Variants in YWHAG observed in about 807,000 individuals in gnomAD.
The protein encoded by YWHAG is tyrosine 3-monooxygenase/tryptophan 5-monooxygenase activation protein gamma.
In YWHAG, 1 loss-of-function variant was observed where a neutral mutation model predicts 23.3. The ratio of observed to expected loss-of-function variants is 0.04; its 90% CI spans 0.02 to 0.20. The LOEUF (loss-of-function observed/expected upper bound fraction) is 0.20. Among genes scored for constraint, YWHAG ranks in the 10% least tolerant of loss-of-function variants. YWHAG has a pLI of 1.00. For synonymous variants in YWHAG, 160 were observed against 144.0 expected, an observed-to-expected ratio of 1.11 and a Z score of -0.80; for missense variants, 151 against 338.6, an observed-to-expected ratio of 0.45 and a Z score of 4.35.
rs182672177 is a variant in YWHAG, at chr7:76,339,338, C to T, written c.88-9105G>A. ...TACAAAAATTAGCTGGGCATGGTGA[C>T]GCACACCTGTAATCCCAGCTACTCG... On this transcript the variant is annotated intron_variant, in intron 1 of 1. Transcript: ENST00000307630. Among the ~76,000 whole-genome samples the T allele has an allele frequency of 1.9e-3, 286 of 152,128 alleles. 2 individuals are homozygous for T. The highest frequency in any genetic ancestry group is 6.6e-3 in the African/African-American group (276 of 41,506).
Position 76,329,344 on chromosome 7 carries a change from T to G in YWHAG, c.*233A>C. On this transcript the variant is annotated 3_prime_UTR_variant, in exon 2 of 2. Coordinates refer to ENST00000307630, the MANE Select transcript of YWHAG (RefSeq NM_012479.4). This position sits in a 1 kb window ranked among gnomAD's most constrained non-coding sequence, Gnocchi z 6.1. Reference sequence around the variant, plus strand: ...CCACTTGCATGAATCTACAGAACAGTCCAGACGCCAGTGTGAGGCTGCTAT... The same window carrying G: ...CCACTTGCATGAATCTACAGAACAGGCCAGACGCCAGTGTGAGGCTGCTAT... 1.8e-6 allele frequency: 1 copy of G among 569,440 alleles called. No homozygotes were observed. Among genetic ancestry groups the G allele is most frequent in the Non-Finnish European group, 3.1e-6 (1 of 322,890 alleles). 35.3% of individuals were successfully genotyped at this position (569,440 alleles called of 1,614,324 possible). A position where few individuals can be genotyped will look rare whatever the true frequency, so the allele number is the denominator to read the frequency against.
rs1280188737 is a variant in YWHAG, at chr7:76,329,401, A to G, written c.*176T>C. 1 of 757,262 alleles carries G rather than the reference A, an allele frequency of 1.3e-6. No homozygotes were observed. Among genetic ancestry groups the G allele is most frequent in the Non-Finnish European group, 2.1e-6 (1 of 483,434 alleles). The allele number at this position is 757,262 out of a possible 1,614,324, so 46.9% of individuals were successfully genotyped here. On this transcript the variant is annotated 3_prime_UTR_variant, in exon 2 of 2. Coordinates refer to ENST00000307630, the MANE Select transcript of YWHAG (RefSeq NM_012479.4). The surrounding 1 kb of genome is among the most constrained non-coding windows in gnomAD (Gnocchi z 6.1). ...ACCAGCACAGCTAGCCTGACTTTCC[A>G]CTAGTGGTATTTTGGCAAAAATGTC...
chr7:76,336,935 T>A, intron 1 of YWHAG, among the ~76,000 whole-genome samples: 1 of 152,160 alleles, frequency 6.6e-6, no homozygotes, highest in East Asian at 1.9e-4. Flanking sequence ...AAGTGCAGGA[T>A]GTGCGCTGCT....
intron 1 of YWHAG, among the ~76,000 whole-genome samples, chr7:76,342,149 C>T (rs901224349): frequency 1.1e-4 from 17 of 152,216 alleles, no homozygotes; most frequent in South Asian, 4.1e-4. Context: ...TTCTCAATAT[C>T]CTCTCCAAAA....
At chr7:76,331,774 G>A (rs1230556753) in intron 1 of YWHAG, among the ~76,000 whole-genome samples, 3 of 151,912 alleles carry the variant, frequency 2.0e-5, no homozygotes, top group African/African-American at 7.3e-5. Context: ...GACACCAGGT[G>A]GGGAGGACTG....
Position 76,358,986 on chromosome 7 carries a change from G to A in YWHAG, c.-178C>T, listed in dbSNP as rs1038951856. On this transcript the variant is annotated 5_prime_UTR_variant, in exon 1 of 2. Coordinates refer to ENST00000307630, the MANE Select transcript of YWHAG (RefSeq NM_012479.4). Reference sequence around the variant, plus strand: ...GCGACCGCGGGACCGGGCGCGAGGCGGCTGCGGCTGCTGTGCGTGCCACTG... The same window carrying A: ...GCGACCGCGGGACCGGGCGCGAGGCAGCTGCGGCTGCTGTGCGTGCCACTG... 2.6e-4 allele frequency: 131 copies of A among 495,572 alleles called. 1 individual carries two copies. In the East Asian group the frequency reaches 4.4e-3, roughly 17 times the overall value. 30.7% of individuals were successfully genotyped at this position (495,572 alleles called of 1,614,324 possible). A position where few individuals can be genotyped will look rare whatever the true frequency, so the allele number is the denominator to read the frequency against.
Position 76,327,635 on chromosome 7 carries a change from T to G in YWHAG, c.*1942A>C, listed in dbSNP as rs757636482. 1.4e-5 allele frequency: 2 copies of G among 137,970 alleles called. No individual in the cohort carries two copies. Among genetic ancestry groups the G allele is most frequent in the South Asian group, 2.2e-4 (1 of 4,544 alleles). The allele number at this position is 137,970 out of a possible 1,614,324, so 8.5% of individuals were successfully genotyped here. On this transcript the variant is annotated 3_prime_UTR_variant, in exon 2 of 2. Coordinates refer to ENST00000307630, the MANE Select transcript of YWHAG (RefSeq NM_012479.4). ...AAAACGCAACACTGCTCACTGGACA[T>G]GAAGATAAATTAGGGAAAGCCCCAC...
At chr7:76,344,909 C>T (rs1383574222) in intron 1 of YWHAG, among the ~76,000 whole-genome samples, 2 of 152,168 alleles carry the variant, frequency 1.3e-5, no homozygotes, top group Admixed American at 1.3e-4. Context: ...GGCTTTAGTC[C>T]TTCCCTGCAA....
At chr7:76,340,539 C>A (rs1177774524) in intron 1 of YWHAG, among the ~76,000 whole-genome samples, 1 of 152,192 alleles carries the variant, frequency 6.6e-6, no homozygotes, top group East Asian at 1.9e-4. Flanking sequence ...CAACAAAATT[C>A]TAACTCCTCG....
At chr7:76,351,562 A>G (rs572717630) in intron 1 of YWHAG, among the ~76,000 whole-genome samples, 10 of 152,268 alleles carry the variant, frequency 6.6e-5, no homozygotes, top group Admixed American at 5.2e-4. Context: ...GTCACTCCCC[A>G]CTGCTCGAAT....
intron 1 of YWHAG, among the ~76,000 whole-genome samples, chr7:76,331,057 G>GT (rs1243215591): frequency 6.6e-6 from 1 of 152,032 alleles, no homozygotes; most frequent in Non-Finnish European, 1.5e-5. Flanking sequence ...TTATTTACCT[G>GT]GTTTCTATAG....
rs764332278 is a variant in YWHAG, at chr7:76,358,835, AAGG to A, written c.-30_-28del. The A allele has an allele frequency of 3.8e-6, 6 of 1,579,862 alleles. No homozygotes were observed. Among genetic ancestry groups the A allele is most frequent in the African/African-American group, 1.4e-5 (1 of 71,952 alleles). ...TTCGCGGGGCTGGGTCTGGCCGGAG[AAGG>A]AGGAGGACACTGGGGCGGCCTGAAG... On this transcript the variant is annotated 5_prime_UTR_variant, in exon 1 of 2. Transcript: ENST00000307630.
intron 1 of YWHAG, among the ~76,000 whole-genome samples, chr7:76,356,031 G>A (rs954000432): frequency 1.3e-5 from 2 of 152,140 alleles, no homozygotes; most frequent in Admixed American, 6.6e-5. Context: ...TACCCACAAA[G>A]AACTATCATT....
chr7:76,331,520 C>T (rs1341299840), intron 1 of YWHAG, among the ~76,000 whole-genome samples: 2 of 151,826 alleles, frequency 1.3e-5, no homozygotes, highest in Non-Finnish European at 2.9e-5. Flanking sequence ...TTCGTAAACT[C>T]TATTAAAACA....
intron 1 of YWHAG, among the ~76,000 whole-genome samples, chr7:76,336,600 A>AC (rs2115606683): frequency 1.3e-5 from 2 of 151,600 alleles, no homozygotes; most frequent in South Asian, 2.1e-4. Context: ...GATTACAGGC[A>AC]CCCACCACCA....
chr7:76,331,524 TA>T (rs1390083924), intron 1 of YWHAG, among the ~76,000 whole-genome samples: 1 of 151,882 alleles, frequency 6.6e-6, no homozygotes, highest in Non-Finnish European at 1.5e-5. Context: ...TAAACTCTAT[TA>T]AAACACTGAG....
rs71085403 is a variant in YWHAG at position 76,327,668 on chromosome 7, G to GCCCCCCCCCCCCCCCCC, written c.*1908_*1909insGGGGGGGGGGGGGGGGG. 60 of 47,112 alleles carry GCCCCCCCCCCCCCCCCC rather than the reference G, an allele frequency of 1.3e-3. No individual in the cohort carries two copies. Among genetic ancestry groups the GCCCCCCCCCCCCCCCCC allele is most frequent in the Admixed American group, 2.1e-3 (9 of 4,198 alleles). 2.9% of individuals were successfully genotyped at this position (47,112 alleles called of 1,614,324 possible). A position where few individuals can be genotyped will look rare whatever the true frequency, so the allele number is the denominator to read the frequency against. ...AATTAGGGAAAGCCCCACCTACCCT[G>GCCCCCCCCCCCCCCCCC]CCCCCCCCCCCCTCCCCCCCCAAAT... On this transcript the variant is annotated 3_prime_UTR_variant, in exon 2 of 2. Coordinates refer to ENST00000307630, the MANE Select transcript of YWHAG (RefSeq NM_012479.4).
In YWHAG at chr7:76,329,619, C is replaced by A; in HGVS notation, c.702G>T (p.Thr234=). ...QLLRDNLTLW[T]SDQQDDDGGE... ...CGCCATCGTCGTCCTGCTGGTCGCT[C>A]GTCCAGAGCGTGAGGTTGTCGCGGA... Residue 234 remains threonine, a synonymous_variant, in exon 2 of 2, where the codon ACG becomes ACT. Transcript: ENST00000307630. The surrounding 1 kb of genome is among the most constrained non-coding windows in gnomAD (Gnocchi z 6.1). 1 of 1,613,184 alleles carries A rather than the reference C, an allele frequency of 6.2e-7. No homozygotes were observed. The highest frequency in any genetic ancestry group is 8.5e-7 in the Non-Finnish European group (1 of 1,179,184).
Position 76,329,458 on chromosome 7 carries a change from G to T in YWHAG, c.*119C>A. The T allele has an allele frequency of 3.1e-6, 4 of 1,273,978 alleles. No homozygotes were observed. The highest frequency in any genetic ancestry group is 2.8e-5 in the Admixed American group (1 of 35,098). The allele number at this position is 1,273,978 out of a possible 1,614,324, so 78.9% of individuals were successfully genotyped here. ...GCGATCAAAGACAGGACAGGTCGTG[G>T]GTTTCTCCCTGGGAAGGTCATCCCT... On this transcript the variant is annotated 3_prime_UTR_variant, in exon 2 of 2. Coordinates refer to ENST00000307630, the MANE Select transcript of YWHAG (RefSeq NM_012479.4). The surrounding 1 kb of genome is among the most constrained non-coding windows in gnomAD (Gnocchi z 6.1).
Sources: gnomAD v4.1 joint callset for allele counts (sites outside exome capture counted in the v4.1 genomes callset) on GRCh38, gnomAD v4.1.1 for gene constraint, Gnocchi (gnomAD v3.1) non-coding constraint, MANE v1.5 for transcripts, NCBI Gene and HGNC (gene_info 2026-07-23, HGNC 2026-07-21) for gene names.